Variants in CLYBL observed in about 807,000 individuals in gnomAD.
The protein encoded by CLYBL is citramalyl-CoA lyase.
Under a neutral mutation model 38.9 loss-of-function variants are expected in CLYBL, and 31 were observed. The observed-to-expected ratio is 0.80, with a 90% CI of 0.60 to 1.08. CLYBL has a LOEUF of 1.08. CLYBL is among the 50% of genes least tolerant of loss of function. CLYBL has a pLI of 0.00. For synonymous variants in CLYBL, 171 were observed against 158.6 expected (o/e 1.08, Z -0.59); for missense variants, 434 against 411.6 (o/e 1.05, Z -0.47).
At chr13:99,791,385 C>T (rs1288633988) in intron 2 of CLYBL, among the ~76,000 whole-genome samples, 3 of 151,834 alleles carry the variant, frequency 2.0e-5, no homozygotes, top group Non-Finnish European at 4.4e-5. Context: ...CAAAAAACAG[C>T]GGTGTCATTT....
chr13:99,722,417 C>CTT (rs5806134), intron 1 of CLYBL, among the ~76,000 whole-genome samples: 31 of 147,010 alleles, frequency 2.1e-4, no homozygotes, highest in East Asian at 7.9e-4. Context: ...CGCATGAAAC[C>CTT]TTTTTTTTTT....
At chr13:99,906,545 T>C (rs1183417291) in intron 9 of CLYBL, among the ~76,000 whole-genome samples, 1 of 152,018 alleles carries the variant, frequency 6.6e-6, no homozygotes, top group Non-Finnish European at 1.5e-5. Context: ...TGTCTCAGCC[T>C]CCTGAGTAGC....
intron 3 of CLYBL, among the ~76,000 whole-genome samples, chr13:99,862,313 G>C (rs1280685026): frequency 6.6e-6 from 1 of 152,068 alleles, no homozygotes; most frequent in Non-Finnish European, 1.5e-5. Context: ...TTTGAAGAGG[G>C]GGAGGAATCT....
chr13:99,719,169 T>A (rs9585204), intron 1 of CLYBL, among the ~76,000 whole-genome samples: 2,787 of 148,116 alleles, frequency 0.019, 80 homozygotes, highest in African/African-American at 0.066. Flanking sequence ...TTTTTTTTTT[T>A]AAGACAGGGT....
intron 1 of CLYBL, among the ~76,000 whole-genome samples, chr13:99,659,069 G>GT (rs1468301039): frequency 6.6e-6 from 1 of 152,144 alleles, no homozygotes; most frequent in Non-Finnish European, 1.5e-5. Context: ...TATCACATCT[G>GT]TTTTTATGCT....
At chr13:99,676,186 G>A (rs112050285) in intron 1 of CLYBL, among the ~76,000 whole-genome samples, 5 of 132,994 alleles carry the variant, frequency 3.8e-5, no homozygotes, top group Non-Finnish European at 8.0e-5. Context: ...CCCTCCGTCC[G>A]TCCTTCCTTC....
In CLYBL at chr13:99,794,295, C is replaced by T. The variant is rs977828228; in HGVS notation, c.249+21285C>T. On this transcript the variant is annotated intron_variant, in intron 2 of 8. Transcript: ENST00000339105. Reference sequence around the variant, plus strand: ...AATTAGGTGGGCATGGTGGCACACACCTGTAATCCCAGCTTCTGGGAGGCT... The same window carrying T: ...AATTAGGTGGGCATGGTGGCACACATCTGTAATCCCAGCTTCTGGGAGGCT... 4.6e-5 allele frequency among the ~76,000 whole-genome samples: 7 copies of T among 152,076 alleles called. No individual in the cohort carries two copies. In the East Asian group the frequency reaches 1.2e-3, roughly 25 times the overall value.
chr13:99,753,326 T>G (rs1025991737), intron 1 of CLYBL, among the ~76,000 whole-genome samples: 7 of 152,054 alleles, frequency 4.6e-5, no homozygotes, highest in Non-Finnish European at 7.4e-5. Flanking sequence ...TTGATTTGTG[T>G]TTTTTAAAGT....
At chr13:99,754,845 G>A (rs1347116473) in intron 1 of CLYBL, among the ~76,000 whole-genome samples, 2 of 148,182 alleles carry the variant, frequency 1.3e-5, no homozygotes, top group Non-Finnish European at 3.0e-5. Flanking sequence ...ACTCGCCTCA[G>A]CCTTCCAAAG....
At chr13:99,794,146 C>A (rs141842115) in intron 2 of CLYBL, among the ~76,000 whole-genome samples, 1 of 152,154 alleles carries the variant, frequency 6.6e-6, no homozygotes, top group East Asian at 1.9e-4. Flanking sequence ...TGTGGCCAGG[C>A]GCCGTGGCTC....
intron 1 of CLYBL, among the ~76,000 whole-genome samples, chr13:99,640,203 C>G (rs1000743672): frequency 5.9e-5 from 9 of 152,164 alleles, no homozygotes; most frequent in Admixed American, 3.3e-4. Context: ...TCACACAAAG[C>G]CAATTGAATA....
intron 1 of CLYBL, among the ~76,000 whole-genome samples, chr13:99,656,227 G>A (rs1237597569): frequency 6.6e-6 from 1 of 152,194 alleles, no homozygotes; most frequent in Admixed American, 6.5e-5. Flanking sequence ...GAGAAATGGG[G>A]TGGAGAACCC....
chr13:99,879,226 C>A (rs935190750), intron 7 of CLYBL, among the ~76,000 whole-genome samples: 1 of 152,236 alleles, frequency 6.6e-6, no homozygotes, highest in African/African-American at 2.4e-5. Context: ...ACAAATCTTT[C>A]TATTTTCTAG....
At chr13:99,858,488 G>T (rs2051513428) in intron 2 of CLYBL, among the ~76,000 whole-genome samples, 1 of 152,208 alleles carries the variant, frequency 6.6e-6, no homozygotes, top group Non-Finnish European at 1.5e-5. Context: ...ATGAGAAAGT[G>T]CAGGGAAAGA....
chr13:99,624,155 C>T (rs1032817746), intron 1 of CLYBL, among the ~76,000 whole-genome samples: 2 of 152,232 alleles, frequency 1.3e-5, no homozygotes, highest in African/African-American at 2.4e-5. Flanking sequence ...CAGAGCACCC[C>T]GTTCTTCATT....
At chr13:99,883,111 C>T (rs76855645) in intron 7 of CLYBL, among the ~76,000 whole-genome samples, 4 of 152,248 alleles carry the variant, frequency 2.6e-5, no homozygotes, top group African/African-American at 7.2e-5. Flanking sequence ...AAGGAGCAAA[C>T]GTGGGCCCAT....
chr13:99,753,050 G>A (rs1180082454), intron 1 of CLYBL, among the ~76,000 whole-genome samples: 1 of 152,164 alleles, frequency 6.6e-6, no homozygotes, highest in Non-Finnish European at 1.5e-5. Flanking sequence ...TGTAGGCTGA[G>A]CCTTGAGGGA....
intron 1 of CLYBL, among the ~76,000 whole-genome samples, chr13:99,705,925 T>C (rs1229909266): frequency 6.6e-6 from 1 of 152,060 alleles, no homozygotes; most frequent in Non-Finnish European, 1.5e-5. Flanking sequence ...GCCCCAATTT[T>C]TTTTTTTGTT....
At chr13:99,768,739 T>A (rs1202282414) in intron 1 of CLYBL, among the ~76,000 whole-genome samples, 1 of 152,022 alleles carries the variant, frequency 6.6e-6, no homozygotes, top group African/African-American at 2.4e-5. Flanking sequence ...TATCAAACTC[T>A]GACCTCGGGT....
Sources: allele counts gnomAD v4.1 joint callset (sites outside exome capture counted in the v4.1 genomes callset), GRCh38; gene constraint gnomAD v4.1.1; transcripts MANE v1.5; gene names NCBI Gene and HGNC (gene_info 2026-07-23, HGNC 2026-07-21).